The following SEZ6L2 variants were observed in gnomAD, a reference collection of about 807,000 sequenced individuals.
SEZ6L2 encodes the protein seizure 6-like protein 2.
In SEZ6L2, 44 loss-of-function variants were observed where a neutral mutation model predicts 97.0. That is an observed-to-expected ratio of 0.45 (90% CI 0.36 to 0.58). The LOEUF (loss-of-function observed/expected upper bound fraction) is 0.58, where lower values mean the gene tolerates loss of function less well. Among genes scored for constraint, SEZ6L2 ranks in the 20% least tolerant of loss-of-function variants. The pLI is 0.00. For missense variants in SEZ6L2, 1,086 were observed against 1,233.3 expected, an observed-to-expected ratio of 0.88 and a Z score of 1.79; for synonymous variants, 543 against 546.1, an observed-to-expected ratio of 0.99 and a Z score of 0.08.
chr16:29,877,370 G>A lies in SEZ6L2; in HGVS notation c.1810C>T (p.Arg604Cys), dbSNP rs1463626744. Reference protein sequence around the residue: ...AQLRGPQPRRRLLSSGPDLTL... With the variant: ...AQLRGPQPRRCLLSSGPDLTL... ...AGGTCGGGCCCAGAGGAGAGAAGGC[G>A]GCGGCGCGGCTGAGGTCCCCGCAGC... Residue 604 changes from arginine (R) to cysteine (C), a missense_variant, in exon 11 of 18, where the codon CGC (arginine) becomes TGC (cysteine). Transcript: ENST00000617533. 3 of 1,613,464 alleles carry A rather than the reference G, an allele frequency of 1.9e-6. No individual in the cohort carries two copies. The highest frequency in any genetic ancestry group is 1.1e-5 in the South Asian group (1 of 91,050).
At chr16:29,885,435 C>A in intron 8 of SEZ6L2, 151 bp downstream of exon 8, 1 of 790,814 alleles carries the variant, frequency 1.3e-6, no homozygotes, top group Non-Finnish European at 2.1e-6. Context: ...AGAAGAGATC[C>A]TTGCAGTTTT....
chr16:29,897,843 G>T lies in SEZ6L2; in HGVS notation c.211+10C>A. 1 of 1,596,056 alleles carries T rather than the reference G, an allele frequency of 6.3e-7. No homozygotes were observed. The highest frequency in any genetic ancestry group is 8.5e-7 in the Non-Finnish European group (1 of 1,174,562). On this transcript the variant is annotated intron_variant, in intron 2 of 17. Transcript: ENST00000617533. ...CCTCTAGGCCACTCCTGCCACTCTG[G>T]GGGCCTCACCTGGCAGGTAGCCCAT...
intron 8 of SEZ6L2, 149 bp downstream of exon 8, chr16:29,885,437 T>C: frequency 1.3e-6 from 1 of 799,622 alleles, no homozygotes; most frequent in Non-Finnish European, 2.0e-6. Flanking sequence ...AAGAGATCCT[T>C]GCAGTTTTGG....
chr16:29,895,619 T>G, intron 4 of SEZ6L2, 102 bp downstream of exon 4: 4 of 1,458,108 alleles, frequency 2.7e-6, no homozygotes, highest in Non-Finnish European at 3.7e-6. Context: ...GTCACCTGAG[T>G]CATCAGACAG....
chr16:29,887,247 C>G (rs1188259782), intron 7 of SEZ6L2, among the ~76,000 whole-genome samples: 1 of 149,778 alleles, frequency 6.7e-6, no homozygotes, highest in Non-Finnish European at 1.5e-5. Flanking sequence ...AACCAGGATC[C>G]ACCCCAGCTG....
intron 8 of SEZ6L2, among the ~76,000 whole-genome samples, chr16:29,883,953 A>AT (rs1463135412): frequency 6.6e-6 from 1 of 151,878 alleles, no homozygotes; most frequent in Admixed American, 6.6e-5. Flanking sequence ...AATAATAATA[A>AT]AATACCCTCT....
At chr16:29,888,861 C>A in intron 5 of SEZ6L2, 136 bp from the exon 6 acceptor site, 2 of 731,306 alleles carry the variant, frequency 2.7e-6, no homozygotes, top group Non-Finnish European at 4.2e-6. Context: ...GGCGTACATA[C>A]CGAGAAATAA....
rs761923889 is a variant in SEZ6L2, at chr16:29,887,698, G to A, written c.1159C>T (p.Arg387Trp). 27 of 1,608,934 alleles carry A rather than the reference G, an allele frequency of 1.7e-5. No individual in the cohort carries two copies. Among genetic ancestry groups the A allele is most frequent in the South Asian group, 6.6e-5 (6 of 90,668 alleles). ...RWVIEAAEGR[R>W]LHLHFERVSL... ...ACCCTTTCAAAGTGCAGGTGCAGCC[G>A]GCGCCCCTCAGCTGCTTCAATGACC... The change falls in exon 7 of 18, where the codon CGG becomes TGG. Residue 387 changes from arginine to tryptophan, a missense_variant. By Grantham distance (101) the Arg-to-Trp change is moderately radical (BLOSUM62 -3). Transcript: ENST00000617533.
Position 29,895,806 on chromosome 16 carries a change from A to G in SEZ6L2, c.566T>C (p.Leu189Pro). The stretch of plus-strand genomic sequence containing the variant: ...CAGGGTGCGGCTGACGGGGCTCCCC[A>G]GATCTGGAGACTCCACATACCCTTC... ...EGEGYVESPD[L>P]GSPVSRTLGL... Residue 189 changes from leucine to proline, a missense_variant, in exon 4 of 18, where the codon CTG (leucine) becomes CCG (proline). Transcript: ENST00000617533. 6.2e-7 allele frequency: 1 copy of G among 1,614,002 alleles called. No individual in the cohort carries two copies. The highest frequency in any genetic ancestry group is 1.1e-5 in the South Asian group (1 of 91,086).
intron 1 of SEZ6L2, 31 bp downstream of exon 1, chr16:29,898,910 G>T: frequency 1.3e-6 from 2 of 1,583,172 alleles, no homozygotes; most frequent in Non-Finnish European, 1.7e-6. Context: ...ACGCCTTCCT[G>T]GGGCCCACCC....
intron 5 of SEZ6L2, among the ~76,000 whole-genome samples, chr16:29,892,284 C>T (rs1189966112): frequency 6.6e-6 from 1 of 152,232 alleles, no homozygotes; most frequent in East Asian, 1.9e-4. Context: ...AGCTGCGAAG[C>T]AGGGAAGACT....
At chr16:29,889,258 T>C (rs569421978) in intron 5 of SEZ6L2, among the ~76,000 whole-genome samples, 36 of 152,042 alleles carry the variant, frequency 2.4e-4, no homozygotes, top group Non-Finnish European at 5.3e-4. Context: ...CTGGCCAACA[T>C]GGTAAAACCC....
In SEZ6L2 at chr16:29,871,576, G is replaced by A; in HGVS notation, c.*123C>T. 1.0e-6 allele frequency: 1 copy of A among 956,782 alleles called. No individual in the cohort carries two copies. Among genetic ancestry groups the A allele is most frequent in the Non-Finnish European group, 1.7e-6 (1 of 605,244 alleles). The allele number at this position is 956,782 out of a possible 1,614,324, so 59.3% of individuals were successfully genotyped here. Reference sequence around the variant, plus strand: ...GCCATCAAAGCCCCCTCGTGGGATAGGGAGACTATTTACACAGCCAGGGAG... The same window carrying A: ...GCCATCAAAGCCCCCTCGTGGGATAAGGAGACTATTTACACAGCCAGGGAG... On this transcript the variant is annotated 3_prime_UTR_variant, in exon 18 of 18. Transcript: ENST00000617533.
chr16:29,885,000 G>A lies in SEZ6L2; in HGVS notation c.1372+586C>T, dbSNP rs1343736644. The stretch of plus-strand genomic sequence containing the variant: ...AGGCAGGCGGATCACAAGGTCAGGA[G>A]ATCGAGTCCATCTTGGCTAACACGG... On this transcript the variant is annotated intron_variant, in intron 8 of 17. Transcript: ENST00000617533. Among the ~76,000 whole-genome samples, 70 of 151,768 alleles carry A rather than the reference G, an allele frequency of 4.6e-4. 1 individual carries two copies. Among genetic ancestry groups the A allele is most frequent in the Non-Finnish European group, 4.4e-5 (3 of 67,972 alleles).
At chr16:29,884,268 T>G (rs148185999) in intron 8 of SEZ6L2, among the ~76,000 whole-genome samples, 20 of 152,262 alleles carry the variant, frequency 1.3e-4, no homozygotes, top group African/African-American at 4.3e-4. Flanking sequence ...TCAGGAAATA[T>G]ATGAGTGTTC....
Position 29,876,892 on chromosome 16 carries a change from C to A in SEZ6L2, c.1968G>T (p.Thr656=). The change falls in exon 12 of 18, where the codon ACG becomes ACT. Residue 656 remains threonine (T), a synonymous_variant. Coordinates refer to ENST00000617533, the MANE Select transcript of SEZ6L2 (RefSeq NM_001243332.2). The surrounding 1 kb of genome is among the most constrained non-coding windows in gnomAD (Gnocchi z 6.5). ...ELPPPEWGWR[T]ASHGDLIRGT... ...CCCGGATCAGGTCCCCGTGGGATGCCGTTCTCCAGCCCCACTCCGGAGGTG... is the reference window on the plus strand; with the variant it reads ...CCCGGATCAGGTCCCCGTGGGATGCAGTTCTCCAGCCCCACTCCGGAGGTG... 6.2e-7 allele frequency: 1 copy of A among 1,613,588 alleles called. No homozygotes were observed. Among genetic ancestry groups the A allele is most frequent in the Non-Finnish European group, 8.5e-7 (1 of 1,179,798 alleles).
In SEZ6L2 at chr16:29,872,623, C is replaced by T. The variant is rs903300299; in HGVS notation, c.2527+82G>A. 7.5e-6 allele frequency: 12 copies of T among 1,600,600 alleles called. No individual in the cohort carries two copies. The African/African-American group carries it at 1.5e-4, about 20-fold the overall frequency. On this transcript the variant is annotated intron_variant, in intron 15 of 17. Coordinates refer to ENST00000617533, the MANE Select transcript of SEZ6L2 (RefSeq NM_001243332.2). ...GCCTCAAACCCTGGGCTTCATCCCT[C>T]CAAGGCCTGGCCTCCTGCCCCAGCC... is the stretch of plus-strand genomic sequence containing the variant.
rs759148833 is a variant in SEZ6L2, at chr16:29,888,641, G to T, written c.938C>A (p.Thr313Asn). 2.5e-6 allele frequency: 4 copies of T among 1,613,954 alleles called. No homozygotes were observed. Among genetic ancestry groups the T allele is most frequent in the Non-Finnish European group, 3.4e-6 (4 of 1,179,986 alleles). Residue 313 changes from threonine (T) to asparagine (N), a missense_variant, in exon 6 of 18, where the codon ACC becomes AAC. Transcript: ENST00000617533. ...VTDLHPGGTA[T>N]FHCDSGYQLQ... ...CTGGTAGCCCGAATCACAGTGAAAG[G>T]TGGCAGTGCCCCCAGGGTGCAGGTC... is the stretch of plus-strand genomic sequence containing the variant.
rs904330059 is a variant in SEZ6L2 at position 29,877,607 on chromosome 16, G to A, written c.1713-140C>T. 31 of 796,672 alleles carry A rather than the reference G, an allele frequency of 3.9e-5. 1 individual carries two copies. The highest frequency in any genetic ancestry group is 8.9e-5 in the East Asian group (3 of 33,662). The allele number at this position is 796,672 out of a possible 1,614,324, so 49.4% of individuals were successfully genotyped here. On this transcript the variant is annotated intron_variant, in intron 10 of 17. Coordinates refer to ENST00000617533, the MANE Select transcript of SEZ6L2 (RefSeq NM_001243332.2). ...CATATTCTCCTATCCCAGGTCTGGC[G>A]CCGCCTCCGTTTTGACCAACCATGG...
Sources: gnomAD v4.1 joint callset for allele counts (sites outside exome capture counted in the v4.1 genomes callset) on GRCh38, gnomAD v4.1.1 for gene constraint, Gnocchi (gnomAD v3.1) non-coding constraint, MANE v1.5 for transcripts, NCBI Gene and HGNC (gene_info 2026-07-23, HGNC 2026-07-21) for gene names.